DLG2: variants seen among roughly 807,000 people sequenced by gnomAD.
DLG2 encodes the protein disks large homolog 2.
DLG2 carries 45 observed loss-of-function variants against 132.5 expected under a neutral mutation model. The ratio of observed to expected loss-of-function variants is 0.34; its 90% CI spans 0.27 to 0.44. The LOEUF (loss-of-function observed/expected upper bound fraction) is 0.44. DLG2 is among the 20% of genes least tolerant of loss of function. The probability of loss-of-function intolerance (pLI) is 1.00; values close to 1 mark genes in which losing one functional copy is unlikely to be tolerated. For synonymous variants in DLG2, 424 were observed against 419.6 expected (o/e 1.01, Z -0.13); for missense variants, 1,045 against 1,196.9 (o/e 0.87, Z 1.87).
At chr11:84,716,068 C>T (rs909540795) in intron 6 of DLG2, among the ~76,000 whole-genome samples, 5 of 152,092 alleles carry the variant, frequency 3.3e-5, no homozygotes, top group Non-Finnish European at 7.4e-5. Context: ...CCCTTGACAA[C>T]ACTGGTTACC....
chr11:84,099,480 G>C (rs1365442684), intron 9 of DLG2, among the ~76,000 whole-genome samples: 1 of 151,724 alleles, frequency 6.6e-6, no homozygotes, highest in African/African-American at 2.4e-5. Context: ...TCTTATTTCT[G>C]GTATTGTTGT....
intron 7 of DLG2, among the ~76,000 whole-genome samples, chr11:84,360,536 C>A (rs1170277483): frequency 6.6e-6 from 1 of 151,982 alleles, no homozygotes; most frequent in Non-Finnish European, 1.5e-5. Context: ...AAGGTGAGCT[C>A]CACAATTGCC....
chr11:84,241,861 C>T (rs2097231662), intron 8 of DLG2, among the ~76,000 whole-genome samples: 2 of 152,114 alleles, frequency 1.3e-5, no homozygotes, highest in Admixed American at 1.3e-4. Context: ...TTTTTGGTTC[C>T]ACTCTCAGAG....
chr11:83,696,556 G>T (rs533579122), intron 18 of DLG2, among the ~76,000 whole-genome samples: 3 of 152,248 alleles, frequency 2.0e-5, no homozygotes, highest in African/African-American at 7.2e-5. Flanking sequence ...CCAACCAAGG[G>T]AATGAGGAGA....
Position 84,827,676 on chromosome 11 carries a change from C to CAAA in DLG2, c.357+283982_357+283984dup, listed in dbSNP as rs398016953. ...AAGGCTGGAACTGAGTACATACAGT[C>CAAA]AAAAAAAAAAAAAAAAAAAAAAGCC... On this transcript the variant is annotated intron_variant, in intron 6 of 27. Transcript: ENST00000376104. Among the ~76,000 whole-genome samples, 38 of 35,050 alleles carry CAAA rather than the reference C, an allele frequency of 1.1e-3. 1 individual carries two copies. The highest frequency in any genetic ancestry group is 1.4e-3 in the Non-Finnish European group (30 of 21,554). The allele number at this position is 35,050 out of a possible 152,430, so 23.0% of individuals were successfully genotyped here. A position where few individuals can be genotyped will look rare whatever the true frequency, so the allele number is the denominator to read the frequency against.
intron 3 of DLG2, among the ~76,000 whole-genome samples, chr11:85,414,447 T>C (rs575762400): frequency 6.6e-6 from 1 of 151,852 alleles, no homozygotes; most frequent in Non-Finnish European, 1.5e-5. Flanking sequence ...TGAAGAGAGG[T>C]GGTCTGAAAG....
chr11:85,514,652 T>G (rs574143874), intron 3 of DLG2, among the ~76,000 whole-genome samples: 9 of 152,072 alleles, frequency 5.9e-5, no homozygotes, highest in African/African-American at 2.2e-4. Flanking sequence ...TACAACTTGT[T>G]TTCTCTATGC....
At chr11:84,725,236 T>C (rs2062294037) in intron 6 of DLG2, among the ~76,000 whole-genome samples, 1 of 152,164 alleles carries the variant, frequency 6.6e-6, no homozygotes, top group South Asian at 2.1e-4. Flanking sequence ...TCATCTACTC[T>C]CTATAATAGT....
chr11:84,816,048 T>C (rs540335767), intron 6 of DLG2, among the ~76,000 whole-genome samples: 1 of 152,150 alleles, frequency 6.6e-6, no homozygotes, highest in Non-Finnish European at 1.5e-5. Context: ...TGAGTGGAAG[T>C]AACACATCTC....
intron 18 of DLG2, among the ~76,000 whole-genome samples, chr11:83,738,713 C>A (rs1027186305): frequency 5.9e-5 from 9 of 152,168 alleles, no homozygotes; most frequent in African/African-American, 2.2e-4. Flanking sequence ...TCCTAGGCAT[C>A]ATATCCTAAT....
chr11:84,788,681 C>T (rs1184712518), intron 6 of DLG2, among the ~76,000 whole-genome samples: 1 of 151,958 alleles, frequency 6.6e-6, no homozygotes, highest in East Asian at 1.9e-4. Context: ...TATTTGATTA[C>T]TTATCTCTCC....
chr11:85,301,946 G>C (rs1306434015), intron 3 of DLG2, among the ~76,000 whole-genome samples: 1 of 152,140 alleles, frequency 6.6e-6, no homozygotes, highest in Non-Finnish European at 1.5e-5. Context: ...TATTCTCTCT[G>C]TGTTATTATT....
chr11:83,694,721 C>A (rs769800934), intron 18 of DLG2, among the ~76,000 whole-genome samples: 1 of 143,000 alleles, frequency 7.0e-6, no homozygotes, highest in African/African-American at 2.9e-5. Context: ...CCAAGGGACT[C>A]GCGTCATAAA....
rs142400750 is a variant in DLG2 at position 84,764,886 on chromosome 11, G to A, written c.358-230155C>T. 3.3e-4 allele frequency among the ~76,000 whole-genome samples: 50 copies of A among 152,160 alleles called. No individual in the cohort carries two copies. In the East Asian group the frequency reaches 9.1e-3, roughly 28 times the overall value. ...AAGATGAAAGGGGAAATGTAGGCAGGTTCAGTTCATGGAGGATGAATGTGT... is the reference window on the plus strand; with the variant it reads ...AAGATGAAAGGGGAAATGTAGGCAGATTCAGTTCATGGAGGATGAATGTGT... On this transcript the variant is annotated intron_variant, in intron 6 of 27. Transcript: ENST00000376104.
intron 3 of DLG2, among the ~76,000 whole-genome samples, chr11:85,297,276 C>G (rs1167634402): frequency 1.3e-5 from 2 of 152,082 alleles, no homozygotes; most frequent in Admixed American, 6.6e-5. Context: ...AAGTATACTG[C>G]CTTTTGTTCT....
At chr11:84,311,329 G>C (rs1373285651) in intron 7 of DLG2, among the ~76,000 whole-genome samples, 1 of 152,122 alleles carries the variant, frequency 6.6e-6, no homozygotes, top group Non-Finnish European at 1.5e-5. Flanking sequence ...ACCATTTACT[G>C]AGTAATTGTG....
At chr11:83,557,610 A>G (rs1415163605) in intron 19 of DLG2, among the ~76,000 whole-genome samples, 1 of 152,236 alleles carries the variant, frequency 6.6e-6, no homozygotes, top group Non-Finnish European at 1.5e-5. Flanking sequence ...AGATAAATGA[A>G]ACCTGCAAAC....
At chr11:84,959,497 T>G (rs79565854) in intron 6 of DLG2, among the ~76,000 whole-genome samples, 2,120 of 152,290 alleles carry the variant, frequency 0.014, 49 homozygotes, top group African/African-American at 0.047. Flanking sequence ...TACGCCTTTG[T>G]ATCTGCTTCT....
intron 7 of DLG2, among the ~76,000 whole-genome samples, chr11:84,391,252 TTAAG>T (rs2098791697): frequency 6.6e-6 from 1 of 152,170 alleles, no homozygotes; most frequent in Admixed American, 6.5e-5. Context: ...CGATATATTA[TTAAG>T]TGACAAAAAA....
Sources: allele counts gnomAD v4.1 joint callset (sites outside exome capture counted in the v4.1 genomes callset), GRCh38; gene constraint gnomAD v4.1.1; transcripts MANE v1.5; gene names NCBI Gene and HGNC (gene_info 2026-07-23, HGNC 2026-07-21).